Variants in RANBP2 observed in about 807,000 individuals in gnomAD.
RANBP2 encodes the protein E3 SUMO-protein ligase RanBP2.
Under a neutral mutation model 303.6 loss-of-function variants are expected in RANBP2, and 57 were observed. The observed-to-expected ratio is 0.19, with a 90% CI of 0.15 to 0.23. The LOEUF (loss-of-function observed/expected upper bound fraction) is 0.23. Ranked by LOEUF, RANBP2 falls within the 10% of genes least tolerant of loss-of-function variation. The pLI is 1.00. For synonymous variants in RANBP2, 1,167 were observed against 1,301.5 expected (o/e 0.90, Z 2.23); for missense variants, 3,138 against 3,780.8 (o/e 0.83, Z 4.46).
At chr2:109,253,044 A>G in the RANBP2 span, among the ~76,000 whole-genome samples, 23 of 151,634 alleles carry the variant, frequency 1.5e-4, no homozygotes, top group African/African-American at 5.6e-4. Context: ...TTTTTTATTT[A>G]AGAGCTAGAG....
the RANBP2 span, among the ~76,000 whole-genome samples, chr2:109,232,642 G>C: frequency 1.3e-5 from 2 of 152,128 alleles, no homozygotes; most frequent in African/African-American, 4.8e-5. Flanking sequence ...TTCTGGAAAG[G>C]GGTGATTGAT....
chr2:109,140,045 A>G, the RANBP2 span, among the ~76,000 whole-genome samples: 6 of 152,224 alleles, frequency 3.9e-5, no homozygotes, highest in Admixed American at 6.5e-5. Context: ...CATAACTCAC[A>G]TGACAAGGCT....
At chr2:109,342,498 G>A in the RANBP2 span, among the ~76,000 whole-genome samples, 24 of 152,338 alleles carry the variant, frequency 1.6e-4, no homozygotes, top group African/African-American at 5.5e-4. Flanking sequence ...GGTGAGAGCC[G>A]TGACAAGTGC....
chr2:109,494,298 G>GC, the RANBP2 span, among the ~76,000 whole-genome samples: 38,739 of 151,980 alleles, frequency 0.25, 5,286 homozygotes, highest in East Asian at 0.5. Context: ...CTCTTTGGTG[G>GC]CTCCTTGCAC....
At chr2:109,665,905 A>T in the RANBP2 span, among the ~76,000 whole-genome samples, 3 of 151,992 alleles carry the variant, frequency 2.0e-5, no homozygotes, top group African/African-American at 7.2e-5. Context: ...TGAAGTCAGG[A>T]GTTCAAGACC....
the RANBP2 span, among the ~76,000 whole-genome samples, chr2:109,478,361 A>G: frequency 6.6e-6 from 1 of 152,198 alleles, no homozygotes; most frequent in Non-Finnish European, 1.5e-5. Flanking sequence ...TTCTCCCTCA[A>G]TTCCCAGTTA....
At chr2:108,985,872 A>C in the RANBP2 span, among the ~76,000 whole-genome samples, 2 of 152,230 alleles carry the variant, frequency 1.3e-5, no homozygotes, top group East Asian at 3.8e-4. Context: ...CCATTCATTC[A>C]TTCATTCATT....
the RANBP2 span, chr2:109,127,851 C>T: frequency 6.6e-6 from 1 of 152,196 alleles, no homozygotes; most frequent in African/African-American, 2.4e-5. Context: ...CTGTCTAAAG[C>T]TATGGAAGTA....
chr2:109,171,707 C>G, the RANBP2 span, among the ~76,000 whole-genome samples: 1 of 152,252 alleles, frequency 6.6e-6, no homozygotes, highest in Non-Finnish European at 1.5e-5. Flanking sequence ...CTAATGCCTT[C>G]CAGAGGCCCA....
the RANBP2 span, among the ~76,000 whole-genome samples, chr2:108,979,402 C>T: frequency 2.0e-5 from 3 of 152,068 alleles, no homozygotes; most frequent in Non-Finnish European, 2.9e-5. Context: ...GTCCAAGCCC[C>T]ATCCCAAGCT....
chr2:109,584,662 T>C, the RANBP2 span, among the ~76,000 whole-genome samples: 2 of 152,094 alleles, frequency 1.3e-5, no homozygotes, highest in Non-Finnish European at 2.9e-5. Context: ...AAAATATAAA[T>C]TAAAATTTCA....
At chr2:109,317,892 T>C in the RANBP2 span, among the ~76,000 whole-genome samples, 1 of 140,604 alleles carries the variant, frequency 7.1e-6, no homozygotes, top group Non-Finnish European at 1.6e-5. Context: ...AGGAAAGATG[T>C]ATGTGGCCAG....
chr2:109,192,085 C>T, the RANBP2 span, among the ~76,000 whole-genome samples: 8 of 152,264 alleles, frequency 5.3e-5, no homozygotes, highest in East Asian at 7.7e-4. Flanking sequence ...GCAAACCGAG[C>T]GACAGAAGTC....
the RANBP2 span, among the ~76,000 whole-genome samples, chr2:109,157,172 T>G: frequency 6.6e-6 from 1 of 152,142 alleles, no homozygotes. Context: ...TAGAATGTTA[T>G]CAGAGGGGAT....
the RANBP2 span, among the ~76,000 whole-genome samples, chr2:109,311,508 G>A: frequency 5.4e-3 from 824 of 151,434 alleles, 7 homozygotes; most frequent in African/African-American, 0.019. Flanking sequence ...TTAGTCAGGA[G>A]AAGGAAATAA....
rs1290108754 is a variant in RANBP2, at chr2:108,781,256, A to G, written c.8600-13A>G. 3 of 1,614,030 alleles carry G rather than the reference A, an allele frequency of 1.9e-6. No homozygotes were observed. Among genetic ancestry groups the G allele is most frequent in the Non-Finnish European group, 8.5e-7 (1 of 1,179,898 alleles). On this transcript the variant is annotated splice_polypyrimidine_tract_variant and intron_variant, in intron 25 of 28. Coordinates refer to ENST00000283195, the MANE Select transcript of RANBP2 (RefSeq NM_006267.5). Reference sequence around the variant, plus strand: ...TAGATACTAGTGTTTAAATATCCTGATTTATTCATCAGATAAAAATTTCCA... The same window carrying G: ...TAGATACTAGTGTTTAAATATCCTGGTTTATTCATCAGATAAAAATTTCCA...
the RANBP2 span, among the ~76,000 whole-genome samples, chr2:109,730,138 C>G: frequency 9.0e-4 from 137 of 152,266 alleles, no homozygotes; most frequent in African/African-American, 3.0e-3. Flanking sequence ...GACACAGAGC[C>G]AAACCACATC....
chr2:109,004,528 C>G, the RANBP2 span, among the ~76,000 whole-genome samples: 2 of 152,196 alleles, frequency 1.3e-5, no homozygotes, highest in African/African-American at 4.8e-5. Context: ...CTGCCAGAGT[C>G]CAACCATTGG....
the RANBP2 span, among the ~76,000 whole-genome samples, chr2:109,078,799 G>C: frequency 1.7e-4 from 25 of 150,192 alleles, no homozygotes; most frequent in East Asian, 4.7e-3. Flanking sequence ...TGGCTAACAT[G>C]GTGAAACCCC....
Sources: allele counts gnomAD v4.1 joint callset (sites outside exome capture counted in the v4.1 genomes callset), GRCh38; gene constraint gnomAD v4.1.1; transcripts MANE v1.5; gene names NCBI Gene and HGNC (gene_info 2026-07-23, HGNC 2026-07-21).